Variants in KCNC4 observed in about 807,000 individuals in gnomAD.
KCNC4 encodes the protein potassium voltage-gated channel subfamily C member 4, also known as voltage-gated potassium channel KCNC4.
KCNC4 carries 23 observed loss-of-function variants against 42.8 expected under a neutral mutation model. The observed-to-expected ratio is 0.54, with a 90% CI of 0.39 to 0.76. The LOEUF (loss-of-function observed/expected upper bound fraction) is 0.76. Ranked by LOEUF, KCNC4 falls within the 30% of genes least tolerant of loss-of-function variation. The pLI, the probability that KCNC4 is intolerant of heterozygous loss-of-function variation, is 0.00. For synonymous variants in KCNC4, 422 were observed against 393.5 expected (o/e 1.07, Z -0.86); for missense variants, 751 against 898.2 (o/e 0.84, Z 2.10).
chr1:110,231,514 CCTT>C (rs537150775), intron 3 of KCNC4, among the ~76,000 whole-genome samples: 79 of 152,274 alleles, frequency 5.2e-4, no homozygotes, highest in Non-Finnish European at 1.0e-3. Flanking sequence ...TGCTGTGACT[CCTT>C]CTGTCTCATC....
chr1:110,231,181 G>A (rs1658670747), intron 3 of KCNC4, among the ~76,000 whole-genome samples: 1 of 152,214 alleles, frequency 6.6e-6, no homozygotes, highest in African/African-American at 2.4e-5. Flanking sequence ...AGAAGGAAGG[G>A]CACTGCAACC....
intron 3 of KCNC4, chr1:110,232,153 A>G: frequency 6.6e-7 from 1 of 1,514,154 alleles, no homozygotes. Context: ...GTGGGATCCC[A>G]AAAGGGCTCT....
intron 1 of KCNC4, among the ~76,000 whole-genome samples, chr1:110,215,650 A>G (rs1657757473): frequency 1.3e-5 from 2 of 152,228 alleles, no homozygotes; most frequent in African/African-American, 4.8e-5. Context: ...CTGCTCCAGG[A>G]AGGCAGCTCC....
At chr1:110,228,471 C>T (rs1317701368) in intron 3 of KCNC4, 2 of 152,708 alleles carry the variant, frequency 1.3e-5, no homozygotes, top group Non-Finnish European at 2.9e-5. Flanking sequence ...CCTGCAGTGT[C>T]TCCTGGAGCG....
Position 110,223,263 on chromosome 1 carries a change from C to T in KCNC4, c.978C>T (p.Tyr326=). 1 of 1,614,228 alleles carries T rather than the reference C, an allele frequency of 6.2e-7. No individual in the cohort carries two copies. Among genetic ancestry groups the T allele is most frequent in the African/African-American group, 1.3e-5 (1 of 75,066 alleles). Residue 326 remains tyrosine, a synonymous_variant, in exon 2 of 4, where the codon TAC becomes TAT. Transcript: ENST00000438661. The surrounding 1 kb of genome is among the most constrained non-coding windows in gnomAD (Gnocchi z 7.5). ...IIDFVAILPF[Y]LEVGLSGLSS... ...ACTTTGTGGCCATCCTGCCCTTCTA[C>T]CTGGAGGTGGGGCTGAGCGGCCTGT...
At position 110,210,564 on chromosome 1, in the gene KCNC4, C is replaced by T. The variant is rs541422677; in HGVS notation, c.-936C>T. On this transcript the variant is annotated 5_prime_UTR_variant, in exon 1 of 4. Transcript: ENST00000438661. ...CTCCCTCTCCGCGCGGCCCGGGAAG[C>T]CTGCAGGTGTCCTTGGCCGCTCGGC... Among the ~76,000 whole-genome samples, 4 of 151,726 alleles carry T rather than the reference C, an allele frequency of 2.6e-5. No homozygotes were observed. Among genetic ancestry groups the T allele is most frequent in the Non-Finnish European group, 5.9e-5 (4 of 67,846 alleles).
At chr1:110,238,457 C>T (rs540518852), downstream of KCNC4, 3 of 152,372 alleles carry the variant, frequency 2.0e-5, no homozygotes, top group Admixed American at 1.3e-4. Flanking sequence ...GTACTGGTGT[C>T]ATCCACTTGT....
downstream of KCNC4, among the ~76,000 whole-genome samples, chr1:110,250,348 C>T (rs537018951): frequency 2.6e-5 from 4 of 152,332 alleles, no homozygotes; most frequent in African/African-American, 4.8e-5. Context: ...TCTACACTCA[C>T]TCCCTCTGGC....
intron 1 of KCNC4, among the ~76,000 whole-genome samples, chr1:110,278,323 T>G (rs1659761200): frequency 6.6e-6 from 1 of 152,144 alleles, no homozygotes; most frequent in South Asian, 2.1e-4. Flanking sequence ...GTCAATGGTT[T>G]TGAACCAGGG....
At chr1:110,268,959 G>A (rs1429373461) in intron 1 of KCNC4, among the ~76,000 whole-genome samples, 4 of 151,826 alleles carry the variant, frequency 2.6e-5, no homozygotes, top group South Asian at 2.1e-4. Context: ...CTCGTGATCC[G>A]CCCGCCTCGG....
At position 110,225,790 on chromosome 1, in the gene KCNC4, C is replaced by G; in HGVS notation, c.1616-185C>G. ...GCTGGGAGGGAAGTCAGTCTTCACACCAAGTGTAGCATCCCTGCCTTTTGC... is the reference window on the plus strand; with the variant it reads ...GCTGGGAGGGAAGTCAGTCTTCACAGCAAGTGTAGCATCCCTGCCTTTTGC... On this transcript the variant is annotated intron_variant, in intron 2 of 3. Coordinates refer to ENST00000438661, the MANE Select transcript of KCNC4 (RefSeq NM_001039574.3). 3 of 593,996 alleles carry G rather than the reference C, an allele frequency of 5.1e-6. No individual in the cohort carries two copies. The South Asian group carries it at 6.6e-5, about 13-fold the overall frequency. 36.8% of individuals were successfully genotyped at this position (593,996 alleles called of 1,614,324 possible).
At chr1:110,276,796 T>C (rs1047079210) in intron 1 of KCNC4, among the ~76,000 whole-genome samples, 1 of 152,178 alleles carries the variant, frequency 6.6e-6, no homozygotes, top group African/African-American at 2.4e-5. Context: ...AGGAGCTTAG[T>C]ATCTCATGCA....
intron 1 of KCNC4, among the ~76,000 whole-genome samples, chr1:110,273,435 G>A (rs1345852764): frequency 6.6e-6 from 1 of 152,216 alleles, no homozygotes; most frequent in Non-Finnish European, 1.5e-5. Flanking sequence ...TCTCTTCTTT[G>A]AGACGAAGAG....
chr1:110,232,235 C>T (rs770250567), intron 3 of KCNC4: 12 of 1,613,822 alleles, frequency 7.4e-6, no homozygotes, highest in African/African-American at 5.3e-5. Flanking sequence ...ATTCGTCCTC[C>T]GTGACCTTCC....
rs1193597871 is a variant in KCNC4, at chr1:110,210,829, C to T, written c.-671C>T. On this transcript the variant is annotated 5_prime_UTR_variant, in exon 1 of 4. Coordinates refer to ENST00000438661, the MANE Select transcript of KCNC4 (RefSeq NM_001039574.3). ...TCGCCCTGCGCAGCCCCCGCCCGCC[C>T]GGCCGCCGCTCTCTGCTCTGCCCCG... is the stretch of plus-strand genomic sequence containing the variant. 6.6e-6 allele frequency among the ~76,000 whole-genome samples: 1 copy of T among 152,126 alleles called. No individual in the cohort carries two copies. Among genetic ancestry groups the T allele is most frequent in the Non-Finnish European group, 1.5e-5 (1 of 67,994 alleles).
chr1:110,227,273 C>G (rs1658447562), intron 3 of KCNC4, among the ~76,000 whole-genome samples: 1 of 152,200 alleles, frequency 6.6e-6, no homozygotes, highest in Non-Finnish European at 1.5e-5. Flanking sequence ...TGAAGATGTC[C>G]CAATGTCCCG....
chr1:110,221,818 C>T (rs116728786), intron 1 of KCNC4: 3,659 of 152,330 alleles, frequency 0.024, 73 homozygotes, highest in Non-Finnish European at 0.038. Context: ...GCAGGACAGG[C>T]GGCAGCAGGA....
chr1:110,281,673 T>A (rs1295856614), intron 1 of KCNC4, among the ~76,000 whole-genome samples: 1 of 152,112 alleles, frequency 6.6e-6, no homozygotes, highest in Non-Finnish European at 1.5e-5. Context: ...GCTTCCCTTG[T>A]CTAGGCCTCA....
chr1:110,233,194 T>G lies in KCNC4; in HGVS notation c.*222T>G. 1.6e-6 allele frequency: 1 copy of G among 609,130 alleles called. No individual in the cohort carries two copies. The highest frequency in any genetic ancestry group is 2.9e-6 in the Non-Finnish European group (1 of 344,802). 37.7% of individuals were successfully genotyped at this position (609,130 alleles called of 1,614,324 possible). On this transcript the variant is annotated 3_prime_UTR_variant, in exon 4 of 4. Coordinates refer to ENST00000438661, the MANE Select transcript of KCNC4 (RefSeq NM_001039574.3). ...AAGAGATATATATGCACATATAGTA[T>G]CTATATTCATACATATTATACTCTT... is the stretch of plus-strand genomic sequence containing the variant.
Sources: allele counts gnomAD v4.1 joint callset (sites outside exome capture counted in the v4.1 genomes callset), GRCh38; gene constraint gnomAD v4.1.1; non-coding constraint Gnocchi (gnomAD v3.1); transcripts MANE v1.5; gene names NCBI Gene and HGNC (gene_info 2026-07-23, HGNC 2026-07-21).